The following PCM1 variants were observed in gnomAD, a reference collection of about 807,000 sequenced individuals.
The protein encoded by PCM1 is pericentriolar material 1.
Under a neutral mutation model 241.9 loss-of-function variants are expected in PCM1, and 157 were observed. The observed-to-expected ratio is 0.65, with a 90% CI of 0.57 to 0.74. The LOEUF (loss-of-function observed/expected upper bound fraction) is 0.74. Among genes scored for constraint, PCM1 ranks in the 30% least tolerant of loss-of-function variants. PCM1 has a pLI of 0.00. For synonymous variants in PCM1, 1,085 were observed against 784.9 expected, an observed-to-expected ratio of 1.38 and a Z score of -6.39; for missense variants, 3,478 against 2,360.1, an observed-to-expected ratio of 1.47 and a Z score of -9.81.
intron 21 of PCM1, 131 bp downstream of exon 21, chr8:17,967,301 A>C: frequency 1.6e-6 from 1 of 636,678 alleles, no homozygotes; most frequent in South Asian, 2.3e-5. Context: ...GAAAGTTACA[A>C]ACTCTTTTTT....
In PCM1 at chr8:18,028,476, G is replaced by A. The variant is rs1328795810; in HGVS notation, c.*814G>A. The A allele has an allele frequency of 5.1e-6, 1 of 195,174 alleles. No individual in the cohort carries two copies. The highest frequency in any genetic ancestry group is 2.3e-5 in the African/African-American group (1 of 43,188). The allele number at this position is 195,174 out of a possible 1,614,324, so 12.1% of individuals were successfully genotyped here. A position where few individuals can be genotyped will look rare whatever the true frequency, so the allele number is the denominator to read the frequency against. ...TGAAAAACTTAACTTTTTCAAGTGG[G>A]GATAAATAATACAACTAAATTTCTG... On this transcript the variant is annotated 3_prime_UTR_variant, in exon 39 of 39. Coordinates refer to ENST00000325083, the MANE Select transcript of PCM1 (RefSeq NM_006197.4).
intron 8 of PCM1, among the ~76,000 whole-genome samples, chr8:17,952,155 G>A (rs113983393): frequency 9.2e-5 from 14 of 151,840 alleles, no homozygotes; most frequent in African/African-American, 2.9e-4. Flanking sequence ...CCCAGGAGGC[G>A]GAGGTTTCAG....
intron 36 of PCM1, among the ~76,000 whole-genome samples, chr8:18,022,340 T>C (rs1323119052): frequency 1.3e-5 from 2 of 152,250 alleles, no homozygotes; most frequent in Non-Finnish European, 2.9e-5. Context: ...TTCAAACTTT[T>C]GTTGGGAACT....
Position 17,965,977 on chromosome 8 carries a change from A to C in PCM1, c.2856-22A>C, listed in dbSNP as rs754337160. The C allele has an allele frequency of 4.8e-5, 76 of 1,569,760 alleles. No homozygotes were observed. In the East Asian group the frequency reaches 1.7e-3, roughly 34 times the overall value. The stretch of plus-strand genomic sequence containing the variant: ...ACCAAATTATTATGTATGATGACTT[A>C]ATGCTTTCAATCTTGTGTTAGGTGG... On this transcript the variant is annotated intron_variant, in intron 18 of 38. Coordinates refer to ENST00000325083, the MANE Select transcript of PCM1 (RefSeq NM_006197.4).
At chr8:17,947,151 A>G (rs780792367) in intron 6 of PCM1, 35 bp from the exon 7 acceptor site, 20 of 1,371,088 alleles carry the variant, frequency 1.5e-5, no homozygotes, top group Non-Finnish European at 1.5e-5. Flanking sequence ...GGATTTTAAT[A>G]GTCAGATACA....
At chr8:17,962,363 C>G (rs1454593186) in intron 16 of PCM1, 189 bp downstream of exon 16, 1 of 309,108 alleles carries the variant, frequency 3.2e-6, no homozygotes, top group African/African-American at 2.2e-5. Flanking sequence ...AAAGATAAAA[C>G]ATTTTAATTT....
At chr8:17,950,763 C>A in intron 8 of PCM1, 39 bp downstream of exon 8, 3 of 1,088,566 alleles carry the variant, frequency 2.8e-6, no homozygotes, top group Non-Finnish European at 4.1e-6. Flanking sequence ...TTTAAAAAAT[C>A]ACATTAATTA....
chr8:18,011,697 C>G lies in PCM1; in HGVS notation c.5381C>G (p.Thr1794Ser). Residue 1794 changes from threonine to serine, a missense_variant, in exon 34 of 39, where the codon ACT (threonine) becomes AGT (serine). Coordinates refer to ENST00000325083, the MANE Select transcript of PCM1 (RefSeq NM_006197.4). ...NLSKAETQAL[T>S]NYGSGEDENE... is the part of the protein sequence containing the mutation. ...TCTAAAGCTGAAACTCAGGCTTTAA[C>G]TAATTATGGAAGTGGAGAAGATGAA... 1 of 1,611,738 alleles carries G rather than the reference C, an allele frequency of 6.2e-7. No individual in the cohort carries two copies. Among genetic ancestry groups the G allele is most frequent in the South Asian group, 1.1e-5 (1 of 90,564 alleles).
At chr8:17,938,188 T>G (rs2060983046) in intron 4 of PCM1, among the ~76,000 whole-genome samples, 1 of 152,122 alleles carries the variant, frequency 6.6e-6, no homozygotes, top group African/African-American at 2.4e-5. Context: ...AATCCAAAAC[T>G]TTTTAAGTGC....
intron 8 of PCM1, among the ~76,000 whole-genome samples, chr8:17,952,735 C>T (rs1205085088): frequency 1.3e-5 from 2 of 152,010 alleles, no homozygotes; most frequent in African/African-American, 2.4e-5. Context: ...TTGGTGTCCC[C>T]AGGGGTCCTT....
Position 17,980,784 on chromosome 8 carries a change from T to C in PCM1, c.4108+29T>C, listed in dbSNP as rs754859797. On this transcript the variant is annotated intron_variant, in intron 24 of 38. Coordinates refer to ENST00000325083, the MANE Select transcript of PCM1 (RefSeq NM_006197.4). ...TGTTCTTTTTTGGTTTGCATTAATATAAGGAGGTTTTCAGCTTAGATTTGA... is the reference window on the plus strand; with the variant it reads ...TGTTCTTTTTTGGTTTGCATTAATACAAGGAGGTTTTCAGCTTAGATTTGA... 9 of 1,536,728 alleles carry C rather than the reference T, an allele frequency of 5.9e-6. No homozygotes were observed. The East Asian group carries it at 9.0e-5, about 15-fold the overall frequency.
chr8:17,979,622 A>G (rs895820834), intron 23 of PCM1, among the ~76,000 whole-genome samples: 2 of 152,236 alleles, frequency 1.3e-5, no homozygotes, highest in African/African-American at 2.4e-5. Context: ...GCTATAAAGT[A>G]TTTTTGAAGA....
chr8:18,007,258 G>T (rs2091586684), intron 30 of PCM1, among the ~76,000 whole-genome samples: 1 of 152,050 alleles, frequency 6.6e-6, no homozygotes, highest in South Asian at 2.1e-4. Context: ...TTATTTCTGT[G>T]TTTAAACTGG....
At chr8:17,964,465 G>C in intron 17 of PCM1, 103 bp from the exon 18 acceptor site, 1 of 781,864 alleles carries the variant, frequency 1.3e-6, no homozygotes, top group Non-Finnish European at 2.0e-6. Context: ...TTTATATACA[G>C]ACATGTATAT....
intron 30 of PCM1, 37 bp downstream of exon 30, chr8:18,006,434 C>A (rs745428902): frequency 6.7e-7 from 1 of 1,498,630 alleles, no homozygotes; most frequent in Non-Finnish European, 9.2e-7. Flanking sequence ...CCAATATGTA[C>A]TGTGTGGTAA....
In PCM1 at chr8:18,013,953, T is replaced by G. The variant is rs2092832916; in HGVS notation, c.5512-11T>G. 6.4e-7 allele frequency: 1 copy of G among 1,569,878 alleles called. No individual in the cohort carries two copies. The highest frequency in any genetic ancestry group is 1.8e-5 in the Admixed American group (1 of 55,642). On this transcript the variant is annotated splice_polypyrimidine_tract_variant and intron_variant, in intron 34 of 38. Coordinates refer to ENST00000325083, the MANE Select transcript of PCM1 (RefSeq NM_006197.4). Reference sequence around the variant, plus strand: ...TTCAGGCCCTGCTATTAAAACATTTTTCCCTTCTAGGTCCTACAACGTGAC... The same window carrying G: ...TTCAGGCCCTGCTATTAAAACATTTGTCCCTTCTAGGTCCTACAACGTGAC...
At chr8:17,986,174 A>C in intron 26 of PCM1, 87 bp downstream of exon 26, 1 of 924,364 alleles carries the variant, frequency 1.1e-6, no homozygotes, top group South Asian at 2.5e-5. Context: ...AATTGTAGGT[A>C]GACCTAATAT....
At position 18,023,189 on chromosome 8, in the gene PCM1, C is replaced by T. The variant is rs78661427; in HGVS notation, c.5842-2172C>T. ...ATATAAATGTTTTCACCTATATGGT[C>T]TGGACACTGTGGTTTGGGCTATTTC... On this transcript the variant is annotated intron_variant, in intron 36 of 38. Transcript: ENST00000325083. Among the ~76,000 whole-genome samples, 182 of 152,204 alleles carry T rather than the reference C, an allele frequency of 1.2e-3. 3 individuals carry two copies. Among genetic ancestry groups the T allele is most frequent in the Non-Finnish European group, 4.0e-4 (27 of 68,006 alleles).
At chr8:17,933,014 T>C (rs2059478712) in intron 2 of PCM1, among the ~76,000 whole-genome samples, 1 of 152,184 alleles carries the variant, frequency 6.6e-6, no homozygotes, top group Admixed American at 6.5e-5. Flanking sequence ...TTTTCCCCTC[T>C]TCTATGATTG....
Sources: allele counts gnomAD v4.1 joint callset (sites outside exome capture counted in the v4.1 genomes callset), GRCh38; gene constraint gnomAD v4.1.1; transcripts MANE v1.5; gene names NCBI Gene and HGNC (gene_info 2026-07-23, HGNC 2026-07-21).